Variants in AP3B2 observed in about 807,000 individuals in gnomAD.
AP3B2 encodes the protein AP-3 complex subunit beta-2.
In AP3B2, 50 loss-of-function variants were observed where a neutral mutation model predicts 126.9. That is an observed-to-expected ratio of 0.39 (90% CI 0.31 to 0.50). The LOEUF is 0.50. AP3B2 is among the 20% of genes least tolerant of loss of function. The pLI is 0.79. For synonymous variants in AP3B2, 541 were observed against 565.0 expected (o/e 0.96, Z 0.60); for missense variants, 1,177 against 1,426.4 (o/e 0.83, Z 2.82).
intron 1 of AP3B2, among the ~76,000 whole-genome samples, chr15:82,700,962 G>A (rs2048711960): frequency 6.6e-6 from 1 of 152,092 alleles, no homozygotes; most frequent in Admixed American, 6.5e-5. Flanking sequence ...CCGGGTTCAT[G>A]TGATTCTCCT....
At chr15:82,683,695 T>G (rs949241819) in intron 4 of AP3B2, among the ~76,000 whole-genome samples, 2 of 152,226 alleles carry the variant, frequency 1.3e-5, no homozygotes, top group Non-Finnish European at 2.9e-5. Flanking sequence ...CAGAAGGTTT[T>G]CAATTTACTT....
At position 82,681,067 on chromosome 15, in the gene AP3B2, C is replaced by T. The variant is rs771281718; in HGVS notation, c.588+45G>A. 2.5e-6 allele frequency: 4 copies of T among 1,613,248 alleles called. No individual in the cohort carries two copies. Among genetic ancestry groups the T allele is most frequent in the African/African-American group, 1.3e-5 (1 of 74,908 alleles). ...AGGGTGAACGCGAAGGGTGGAAGGC[C>T]GGCTGCCGGTCACCACCCCTCCCGG... On this transcript the variant is annotated intron_variant, in intron 6 of 26. Coordinates refer to ENST00000535359, the MANE Select transcript of AP3B2 (RefSeq NM_001278512.2). The surrounding 1 kb of genome is among the most constrained non-coding windows in gnomAD (Gnocchi z 4.0).
Position 82,664,815 on chromosome 15 carries a change from C to A in AP3B2, c.2137+20G>T. 1 of 1,535,116 alleles carries A rather than the reference C, an allele frequency of 6.5e-7. No individual in the cohort carries two copies. ...TGCATGGGCAGAGCACAGAGGACCC[C>A]AGCTCTGCCATCTGCTCACCACTGT... On this transcript the variant is annotated intron_variant, in intron 18 of 26. Coordinates refer to ENST00000535359, the MANE Select transcript of AP3B2 (RefSeq NM_001278512.2). The surrounding 1 kb of genome is among the most constrained non-coding windows in gnomAD (Gnocchi z 4.5).
In AP3B2 at chr15:82,659,636, T is replaced by C. The variant is rs762681289; in HGVS notation, c.3230A>G (p.Gln1077Arg). ...CATTTTCTCGCTGTTGACAGTCAGCTGGGCAGCTCCAGCTGGCCGGGCATC... is the reference window on the plus strand; with the variant it reads ...CATTTTCTCGCTGTTGACAGTCAGCCGGGCAGCTCCAGCTGGCCGGGCATC... ...TLDARPAGAA[Q>R]LTVNSEKMVI... is the part of the protein sequence containing the mutation. Residue 1077 changes from glutamine (Q) to arginine (R), a missense_variant, in exon 27 of 27, where the codon CAG (glutamine) becomes CGG (arginine). By Grantham distance (43) the Gln-to-Arg change is conservative. Coordinates refer to ENST00000535359, the MANE Select transcript of AP3B2 (RefSeq NM_001278512.2). 3.9e-5 allele frequency: 63 copies of C among 1,613,876 alleles called. No individual in the cohort carries two copies. Among genetic ancestry groups the C allele is most frequent in the Non-Finnish European group, 5.2e-5 (61 of 1,179,900 alleles).
chr15:82,693,702 T>C (rs1372528293), intron 1 of AP3B2, among the ~76,000 whole-genome samples: 1 of 152,100 alleles, frequency 6.6e-6, no homozygotes, highest in Non-Finnish European at 1.5e-5. Context: ...GTTTAATTGG[T>C]ACGTTTTTGT....
Position 82,664,080 on chromosome 15 carries a change from A to G in AP3B2, c.2262-105T>C. 6.8e-7 allele frequency: 1 copy of G among 1,466,566 alleles called. No homozygotes were observed. The allele number at this position is 1,466,566 out of a possible 1,614,324, so 90.8% of individuals were successfully genotyped here. A position where few individuals can be genotyped will look rare whatever the true frequency, so the allele number is the denominator to read the frequency against. ...AAGCTGGAGTGGTGTGGGGAGCCTG[A>G]GCCAGGAGGGTTCACACCTGAGGTC... is the stretch of plus-strand genomic sequence containing the variant. On this transcript the variant is annotated intron_variant, in intron 19 of 26. Transcript: ENST00000535359. This position sits in a 1 kb window ranked among gnomAD's most constrained non-coding sequence, Gnocchi z 4.5.
Position 82,659,355 on chromosome 15 carries a change from C to T in AP3B2, c.*205G>A, listed in dbSNP as rs1237940489. ...CTGGGAGGACTGAAGGGAGTGGCTG[C>T]CATCTCTCTCTGCACAGATCACTAA... On this transcript the variant is annotated 3_prime_UTR_variant, in exon 27 of 27. Transcript: ENST00000535359. 1 of 549,450 alleles carries T rather than the reference C, an allele frequency of 1.8e-6. No individual in the cohort carries two copies. The allele number at this position is 549,450 out of a possible 1,614,324, so 34.0% of individuals were successfully genotyped here. A position where few individuals can be genotyped will look rare whatever the true frequency, so the allele number is the denominator to read the frequency against.
intron 4 of AP3B2, among the ~76,000 whole-genome samples, chr15:82,683,732 A>G (rs2048382473): frequency 2.6e-5 from 4 of 152,208 alleles, no homozygotes. Flanking sequence ...AGGAATCACT[A>G]TCTATGGCAG....
At chr15:82,682,047 C>CA (rs2048347768) in intron 4 of AP3B2, among the ~76,000 whole-genome samples, 3 of 79,944 alleles carry the variant, frequency 3.8e-5, no homozygotes, top group Non-Finnish European at 6.6e-5. Flanking sequence ...TAGGCCCTTC[C>CA]TTTTTTTTTT....
Position 82,705,178 on chromosome 15 carries a change from C to A in AP3B2, c.113+4416G>T, listed in dbSNP as rs144337779. Among the ~76,000 whole-genome samples, 424 of 152,210 alleles carry A rather than the reference C, an allele frequency of 2.8e-3. 3 individuals carry two copies. The highest frequency in any genetic ancestry group is 1.0e-2 in the African/African-American group (414 of 41,506). ...CTCTATTCCCTCCTTGGCGACTGAT[C>A]ATGCACCCCTTACCATCCCATTAAA... is the stretch of plus-strand genomic sequence containing the variant. On this transcript the variant is annotated intron_variant, in intron 1 of 26. Coordinates refer to ENST00000535359, the MANE Select transcript of AP3B2 (RefSeq NM_001278512.2).
intron 14 of AP3B2, among the ~76,000 whole-genome samples, chr15:82,670,020 A>AC (rs2048123715): frequency 6.9e-6 from 1 of 145,462 alleles, no homozygotes; most frequent in Non-Finnish European, 1.5e-5. Flanking sequence ...AAAAAAAAAA[A>AC]AAAACCCATT....
At chr15:82,700,400 T>TG (rs2048701076) in intron 1 of AP3B2, among the ~76,000 whole-genome samples, 1 of 100,532 alleles carries the variant, frequency 9.9e-6, no homozygotes, top group Non-Finnish European at 2.1e-5. Context: ...TGGGTGGCTT[T>TG]TTTTTTTTTT....
chr15:82,664,878 C>T lies in AP3B2; in HGVS notation c.2094G>A (p.Ser698=), dbSNP rs751702098. 4.5e-5 allele frequency: 72 copies of T among 1,604,942 alleles called. No homozygotes were observed. Among genetic ancestry groups the T allele is most frequent in the Middle Eastern group, 1.6e-4 (1 of 6,078 alleles). Residue 698 remains serine (S), a synonymous_variant, in exon 18 of 27, where the codon TCG becomes TCA. Transcript: ENST00000535359. The surrounding 1 kb of genome is among the most constrained non-coding windows in gnomAD (Gnocchi z 4.5). Reference sequence around the variant, plus strand: ...TGGGGCCTGACTCCCCCTCAGAGTCCGAGTAGAAGGGTTTTTCCTTCTCCT... The same window carrying T: ...TGGGGCCTGACTCCCCCTCAGAGTCTGAGTAGAAGGGTTTTTCCTTCTCCT... ...KRKEKEKPFY[S]DSEGESGPTE... is the part of the protein sequence containing the mutation.
At chr15:82,690,275 T>G (rs529946499) in intron 1 of AP3B2, among the ~76,000 whole-genome samples, 4 of 152,172 alleles carry the variant, frequency 2.6e-5, no homozygotes. Flanking sequence ...AATTATACTT[T>G]TAAGTTCTAG....
At chr15:82,676,703 TTCCAGGGAAACAGCAC>T in intron 13 of AP3B2, 66 bp from the exon 14 acceptor site, 1 of 1,536,796 alleles carries the variant, frequency 6.5e-7, no homozygotes. Flanking sequence ...GATTGTGGAC[TTCCAGGGAAACAGCAC>T]TCCTCATCTG....
chr15:82,686,524 A>G (rs374944992), intron 4 of AP3B2: 1 of 152,268 alleles, frequency 6.6e-6, no homozygotes, highest in African/African-American at 2.4e-5. Context: ...AATGATAAAC[A>G]AGAGAAGATA....
chr15:82,676,274 CA>C (rs1303179971), intron 14 of AP3B2, among the ~76,000 whole-genome samples, 186 bp downstream of exon 14: 1 of 152,156 alleles, frequency 6.6e-6, no homozygotes, highest in Non-Finnish European at 1.5e-5. Context: ...CAGTGACCAC[CA>C]GCACTACAAG....
chr15:82,662,366 C>T (rs1350330746), intron 23 of AP3B2, 114 bp from the exon 24 acceptor site: 3 of 867,376 alleles, frequency 3.5e-6, no homozygotes, highest in Non-Finnish European at 1.8e-6. Context: ...CAGCCCTCTA[C>T]AGAATCTTGG....
chr15:82,692,514 G>C (rs1363875176), intron 1 of AP3B2: 1 of 207,388 alleles, frequency 4.8e-6, no homozygotes, highest in African/African-American at 2.4e-5. Context: ...AGAGAGCCAG[G>C]AAACAAGAGG....
Sources: gnomAD v4.1 joint callset for allele counts (sites outside exome capture counted in the v4.1 genomes callset) on GRCh38, gnomAD v4.1.1 for gene constraint, Gnocchi (gnomAD v3.1) non-coding constraint, MANE v1.5 for transcripts, NCBI Gene and HGNC (gene_info 2026-07-23, HGNC 2026-07-21) for gene names.